The following PIPOX variants were observed in gnomAD, a reference collection of about 807,000 sequenced individuals.
The protein encoded by PIPOX is pipecolic acid and sarcosine oxidase.
PIPOX carries 45 observed loss-of-function variants against 47.9 expected under a neutral mutation model. The observed-to-expected ratio is 0.94, with a 90% confidence interval of 0.74 to 1.20. PIPOX has a LOEUF of 1.20. PIPOX is among the 50% of genes most tolerant of loss of function. PIPOX has a pLI of 0.00. For missense variants in PIPOX, 458 were observed against 498.4 expected (o/e 0.92, Z 0.77); for synonymous variants, 165 against 191.3 (o/e 0.86, Z 1.13).
intron 6 of PIPOX, 21 bp from the exon 7 acceptor site, chr17:29,055,792 G>A (rs745800312): frequency 8.1e-6 from 13 of 1,602,588 alleles, no homozygotes; most frequent in African/African-American, 1.3e-5. Context: ...AAGAACACAA[G>A]GTGTGACTGT....
rs1331309752 is a variant in PIPOX at position 29,055,200 on chromosome 17, C to T, written c.945C>T (p.Val315=). 6.2e-7 allele frequency: 1 copy of T among 1,614,070 alleles called. No homozygotes were observed. Among genetic ancestry groups the T allele is most frequent in the Non-Finnish European group, 8.5e-7 (1 of 1,180,052 alleles). Residue 315 remains valine (V), a synonymous_variant, in exon 6 of 8, where the codon GTC becomes GTT. Coordinates refer to ENST00000323372, the MANE Select transcript of PIPOX (RefSeq NM_016518.3). ...CTGATCTGAAGCCCGAGCCTGCTGT[C>T]ATTGAGAGCTGCATGTACACGGTAA... is the stretch of plus-strand genomic sequence containing the variant. ...HLPDLKPEPA[V]IESCMYTNTP... is the part of the protein sequence containing the mutation.
chr17:29,043,898 T>C (rs2065775685), intron 1 of PIPOX, among the ~76,000 whole-genome samples: 1 of 152,238 alleles, frequency 6.6e-6, no homozygotes, highest in South Asian at 2.1e-4. Context: ...GGCCTTATTT[T>C]TCCTGCTACG....
chr17:29,044,824 T>A, intron 1 of PIPOX, 35 bp from the exon 2 acceptor site: 1 of 1,590,382 alleles, frequency 6.3e-7, no homozygotes, highest in South Asian at 1.2e-5. Flanking sequence ...TGAGGGGTAA[T>A]GGCTTCCATC....
intron 6 of PIPOX, 140 bp from the exon 7 acceptor site, chr17:29,055,673 C>A (rs1006194300): frequency 1.6e-5 from 12 of 744,926 alleles, no homozygotes; most frequent in Non-Finnish European, 2.8e-5. Context: ...CAGAGGGGCA[C>A]GGGCATGCGG....
intron 1 of PIPOX, 146 bp from the exon 2 acceptor site, chr17:29,044,713 C>A: frequency 1.3e-6 from 1 of 792,976 alleles, no homozygotes; most frequent in Non-Finnish European, 1.9e-6. Flanking sequence ...AATTATCTTC[C>A]TGTGCATAAT....
chr17:29,047,424 C>T (rs2065789867), intron 2 of PIPOX, among the ~76,000 whole-genome samples: 1 of 152,194 alleles, frequency 6.6e-6, no homozygotes, highest in African/African-American at 2.4e-5. Flanking sequence ...GGTCTTATCC[C>T]ATTAATGCAA....
chr17:29,051,907 T>A, intron 2 of PIPOX: 1 of 469,180 alleles, frequency 2.1e-6, no homozygotes, highest in Non-Finnish European at 4.4e-6. Flanking sequence ...TCATGCCATT[T>A]TCAGTTGTCC....
chr17:29,046,928 T>G, intron 2 of PIPOX: 1 of 186,272 alleles, frequency 5.4e-6, no homozygotes, highest in Non-Finnish European at 1.0e-5. Context: ...AAGTAGGTAA[T>G]GGGCTTAGAA....
intron 6 of PIPOX, 112 bp from the exon 7 acceptor site, chr17:29,055,701 C>T: frequency 2.2e-6 from 2 of 912,456 alleles, no homozygotes; most frequent in Non-Finnish European, 3.6e-6. Context: ...CCTTGTGCCT[C>T]ATTCCATCCT....
intron 2 of PIPOX, among the ~76,000 whole-genome samples, chr17:29,051,623 G>C (rs2065806819): frequency 6.6e-6 from 1 of 152,184 alleles, no homozygotes; most frequent in African/African-American, 2.4e-5. Flanking sequence ...GGGAGCTCTG[G>C]TCTCTTGTGA....
Position 29,043,359 on chromosome 17 carries a change from C to A in PIPOX, c.114+20C>A, listed in dbSNP as rs780198159. 14 of 1,553,972 alleles carry A rather than the reference C, an allele frequency of 9.0e-6. No individual in the cohort carries two copies. In the Admixed American group the frequency reaches 2.2e-4, roughly 24 times the overall value. On this transcript the variant is annotated intron_variant, in intron 1 of 7. Coordinates refer to ENST00000323372, the MANE Select transcript of PIPOX (RefSeq NM_016518.3). ...GAGCAGGTACTGTGTCCCTTCTGCACCCCCAGCTGTAAGGACTGTCCTACC... is the reference window on the plus strand; with the variant it reads ...GAGCAGGTACTGTGTCCCTTCTGCAACCCCAGCTGTAAGGACTGTCCTACC...
At chr17:29,055,998 C>A (rs1598241071) in intron 7 of PIPOX, 110 bp downstream of exon 7, 4 of 1,283,684 alleles carry the variant, frequency 3.1e-6, no homozygotes, top group East Asian at 2.3e-5. Context: ...GAAGCCTGGA[C>A]ATTGTAGGTA....
chr17:29,052,066 C>A, intron 2 of PIPOX: 1 of 470,446 alleles, frequency 2.1e-6, no homozygotes, highest in East Asian at 7.0e-5. Flanking sequence ...AGAGACAGAG[C>A]CAGATCTCTC....
intron 1 of PIPOX, among the ~76,000 whole-genome samples, chr17:29,043,878 G>C (rs1169879868): frequency 6.6e-6 from 1 of 151,964 alleles, no homozygotes; most frequent in Non-Finnish European, 1.5e-5. Context: ...CACATGATAA[G>C]TGAGACTGAG....
At chr17:29,053,642 G>C in intron 4 of PIPOX, 47 bp downstream of exon 4, 1 of 1,432,944 alleles carries the variant, frequency 7.0e-7, no homozygotes, top group Non-Finnish European at 9.5e-7. Flanking sequence ...GAGAAGCCTT[G>C]GAACCAGATG....
Position 29,053,501 on chromosome 17 carries a change from C to T in PIPOX, c.566C>T (p.Thr189Ile). The T allele has an allele frequency of 6.2e-7, 1 of 1,614,130 alleles. No individual in the cohort carries two copies. The highest frequency in any genetic ancestry group is 8.5e-7 in the Non-Finnish European group (1 of 1,179,960). Residue 189 changes from threonine (T) to isoleucine (I), a missense_variant, in exon 4 of 8, where the codon ACC becomes ATC. Thr to Ile is a moderately conservative substitution (Grantham distance 89, BLOSUM62 -1). Transcript: ENST00000323372. Reference protein sequence around the residue: ...NPGLLVTVKTTSRSYQAKSLV... With the variant: ...NPGLLVTVKTISRSYQAKSLV... ...GGGCTACTGGTCACGGTGAAAACCA[C>T]CTCCAGGAGCTACCAAGCTAAGAGC...
At chr17:29,044,588 C>T (rs2065777842) in intron 1 of PIPOX, among the ~76,000 whole-genome samples, 1 of 152,152 alleles carries the variant, frequency 6.6e-6, no homozygotes, top group South Asian at 2.1e-4. Context: ...GTCCTCCTAC[C>T]TCAGCCTTCC....
chr17:29,046,111 TAAG>T (rs1487152746), intron 2 of PIPOX, among the ~76,000 whole-genome samples: 1 of 152,100 alleles, frequency 6.6e-6, no homozygotes, highest in Non-Finnish European at 1.5e-5. Flanking sequence ...ACCATTAACT[TAAG>T]AACAAAGTGA....
intron 2 of PIPOX, among the ~76,000 whole-genome samples, chr17:29,045,327 T>G (rs1426635250): frequency 6.6e-6 from 1 of 151,294 alleles, no homozygotes; most frequent in East Asian, 2.0e-4. Context: ...GTGTGTATTT[T>G]CAACTCTGTG....
Sources: gnomAD v4.1 joint callset for allele counts (sites outside exome capture counted in the v4.1 genomes callset) on GRCh38, gnomAD v4.1.1 for gene constraint, MANE v1.5 for transcripts, NCBI Gene and HGNC (gene_info 2026-07-23, HGNC 2026-07-21) for gene names.